ABCC1: variants seen among roughly 807,000 people sequenced by gnomAD.
ABCC1 encodes the protein multidrug resistance-associated protein 1.
Under a neutral mutation model 172.9 loss-of-function variants are expected in ABCC1, and 83 were observed. The ratio of observed to expected loss-of-function variants is 0.48; its 90% CI spans 0.40 to 0.58. ABCC1 has a LOEUF of 0.58. Ranked by LOEUF, ABCC1 falls within the 20% of genes least tolerant of loss-of-function variation. ABCC1 has a pLI of 0.00. For synonymous variants in ABCC1, 937 were observed against 825.2 expected, an observed-to-expected ratio of 1.14 and a Z score of -2.32; for missense variants, 1,817 against 2,002.7, an observed-to-expected ratio of 0.91 and a Z score of 1.77.
At chr16:15,994,497 A>G (rs2046985474) in intron 1 of ABCC1, among the ~76,000 whole-genome samples, 2 of 151,988 alleles carry the variant, frequency 1.3e-5, no homozygotes, top group South Asian at 4.1e-4. Context: ...TGGCGTGATC[A>G]CTCTGGCTGT....
intron 6 of ABCC1, among the ~76,000 whole-genome samples, chr16:16,035,143 T>C (rs1284280451): frequency 6.6e-6 from 1 of 152,202 alleles, no homozygotes; most frequent in Non-Finnish European, 1.5e-5. Flanking sequence ...GGCTCATGCC[T>C]GTAATGTTAG....
chr16:16,138,750 T>C (rs212089), intron 30 of ABCC1, among the ~76,000 whole-genome samples, 192 bp downstream of exon 30: 23,075 of 149,482 alleles, frequency 0.15, 1,846 homozygotes, highest in East Asian at 0.24. Flanking sequence ...GAGTCTCGCT[T>C]CATCTCTGGA....
intron 19 of ABCC1, among the ~76,000 whole-genome samples, chr16:16,095,362 CA>C (rs1382940174): frequency 2.0e-5 from 3 of 152,356 alleles, no homozygotes; most frequent in South Asian, 2.1e-4. Flanking sequence ...GGTTTTCCAT[CA>C]GGGGCAAATT....
Position 16,124,793 on chromosome 16 carries a change from C to G in ABCC1, c.3595C>G (p.Leu1199Val). Residue 1199 changes from leucine to valine, a missense_variant, in exon 25 of 31, where the codon CTG becomes GTG. Leu to Val is a conservative substitution (Grantham distance 32, BLOSUM62 1). Transcript: ENST00000399410. ...TGCCTGTGTGTCTTGGCGCAGGTGG[C>G]TGGCCGTGCGGCTGGAGTGTGTGGG... ...YYPSIVANRW[L>V]AVRLECVGNC... 6.2e-7 allele frequency: 1 copy of G among 1,614,114 alleles called. No individual in the cohort carries two copies. Among genetic ancestry groups the G allele is most frequent in the Non-Finnish European group, 8.5e-7 (1 of 1,180,036 alleles).
At chr16:16,033,191 C>T (rs1597146040) in intron 6 of ABCC1, 21 bp downstream of exon 6, 1 of 1,609,916 alleles carries the variant, frequency 6.2e-7, no homozygotes. Context: ...GCCCCCCAGA[C>T]CTCAGGGAGG....
At chr16:16,064,709 T>G (rs191116866) in intron 12 of ABCC1, among the ~76,000 whole-genome samples, 27 of 152,344 alleles carry the variant, frequency 1.8e-4, no homozygotes, top group Non-Finnish European at 3.4e-4. Flanking sequence ...CCCCACCCAT[T>G]TATCCACTCC....
intron 4 of ABCC1, 55 bp from the exon 5 acceptor site, chr16:16,016,441 A>G: frequency 6.2e-7 from 1 of 1,607,044 alleles, no homozygotes; most frequent in Admixed American, 1.7e-5. Context: ...GGCGTGAGCC[A>G]CCACACCCAG....
rs143035485 is a variant in ABCC1, at chr16:16,130,713, G to A, written c.3820-1076G>A. Among the ~76,000 whole-genome samples the A allele has an allele frequency of 1.6e-3, 246 of 152,230 alleles. 2 individuals carry two copies. Among genetic ancestry groups the A allele is most frequent in the South Asian group, 5.2e-3 (25 of 4,822 alleles). On this transcript the variant is annotated intron_variant, in intron 26 of 30. Transcript: ENST00000399410. ...AGTTACCTAAAAAATTCTTTGTTCC[G>A]TAGGAAGTCTCTGACAAGCTGTTAT...
intron 30 of ABCC1, among the ~76,000 whole-genome samples, chr16:16,140,292 A>G (rs1357521959): frequency 6.6e-6 from 1 of 152,154 alleles, no homozygotes; most frequent in Non-Finnish European, 1.5e-5. Flanking sequence ...AACTTACTCT[A>G]AGAGCCCTAT....
intron 4 of ABCC1, among the ~76,000 whole-genome samples, chr16:16,015,916 A>T (rs965002244): frequency 2.0e-5 from 3 of 152,126 alleles, no homozygotes; most frequent in Non-Finnish European, 2.9e-5. Context: ...AGAAAGGTTA[A>T]ATAAGTTGAC....
intron 19 of ABCC1, among the ~76,000 whole-genome samples, chr16:16,101,453 G>C (rs2051744136): frequency 6.6e-6 from 1 of 152,184 alleles, no homozygotes; most frequent in Non-Finnish European, 1.5e-5. Flanking sequence ...CCTTCCAGGT[G>C]TGTCTGTGTC....
rs368424741 is a variant in ABCC1 at position 16,016,669 on chromosome 16, A to G, written c.615+48A>G. ...GTGTGTGCGTGTGTGTGTGAGAGAG[A>G]TGCGTGACACAGTACCAGCTAACAT... On this transcript the variant is annotated intron_variant, in intron 5 of 30. Transcript: ENST00000399410. 6.1e-5 allele frequency: 98 copies of G among 1,608,738 alleles called. No homozygotes were observed. In the African/African-American group the frequency reaches 1.2e-3, roughly 20 times the overall value.
At chr16:15,984,305 C>T (rs1475623498) in intron 1 of ABCC1, among the ~76,000 whole-genome samples, 1 of 152,112 alleles carries the variant, frequency 6.6e-6, no homozygotes, top group Admixed American at 6.6e-5. Context: ...TGGTATGTTA[C>T]CTCTGTGTAA....
chr16:16,114,629 C>T lies in ABCC1; in HGVS notation c.3080-137C>T. The stretch of plus-strand genomic sequence containing the variant: ...GTGCTGGGATTACAGGTGTGAGCCA[C>T]CATGCCTGGTTCATCATTATTATTA... On this transcript the variant is annotated intron_variant, in intron 22 of 30. Coordinates refer to ENST00000399410, the MANE Select transcript of ABCC1 (RefSeq NM_004996.4). 12 of 877,120 alleles carry T rather than the reference C, an allele frequency of 1.4e-5. No homozygotes were observed. In the South Asian group the frequency reaches 2.4e-4, roughly 17 times the overall value. 54.3% of individuals were successfully genotyped at this position (877,120 alleles called of 1,614,324 possible).
chr16:16,125,980 C>A (rs1246110402), intron 26 of ABCC1, 69 bp downstream of exon 26: 5 of 1,191,772 alleles, frequency 4.2e-6, no homozygotes, highest in African/African-American at 1.5e-5. Flanking sequence ...ATCTCTGGAC[C>A]CTATCCTGTG....
At chr16:16,005,705 C>A (rs936778075) in intron 1 of ABCC1, among the ~76,000 whole-genome samples, 1 of 152,142 alleles carries the variant, frequency 6.6e-6, no homozygotes, top group Non-Finnish European at 1.5e-5. Context: ...GCCTGTCATT[C>A]CAACACTTTG....
intron 1 of ABCC1, among the ~76,000 whole-genome samples, chr16:15,989,492 C>T (rs753810126): frequency 1.3e-5 from 2 of 152,156 alleles, no homozygotes; most frequent in Non-Finnish European, 2.9e-5. Flanking sequence ...TTCAGAAGCC[C>T]AGCGGGTGCC....
chr16:16,102,842 C>G lies in ABCC1; in HGVS notation c.2735+125C>G, dbSNP rs900971084. 3 of 836,316 alleles carry G rather than the reference C, an allele frequency of 3.6e-6. No individual in the cohort carries two copies. The East Asian group carries it at 8.1e-5, about 22-fold the overall frequency. 51.8% of individuals were successfully genotyped at this position (836,316 alleles called of 1,614,324 possible). A position where few individuals can be genotyped will look rare whatever the true frequency, so the allele number is the denominator to read the frequency against. ...AAGGCCTGGGCTTTTACCTTCCCTC[C>G]CAAATCCTCCAAGGACCTTGCTTTT... On this transcript the variant is annotated intron_variant, in intron 20 of 30. Coordinates refer to ENST00000399410, the MANE Select transcript of ABCC1 (RefSeq NM_004996.4).
chr16:16,125,961 C>T, intron 26 of ABCC1, 50 bp downstream of exon 26: 1 of 1,422,742 alleles, frequency 7.0e-7, no homozygotes, highest in Non-Finnish European at 9.9e-7. Flanking sequence ...GTAGCTTTAC[C>T]CCAAGGAGAT....
Sources: gnomAD v4.1 joint callset for allele counts (sites outside exome capture counted in the v4.1 genomes callset) on GRCh38, gnomAD v4.1.1 for gene constraint, MANE v1.5 for transcripts, NCBI Gene and HGNC (gene_info 2026-07-23, HGNC 2026-07-21) for gene names.